COL18A1: variants seen among roughly 807,000 people sequenced by gnomAD.
COL18A1 encodes the protein collagen alpha-1(XVIII) chain.
COL18A1 carries 133 observed loss-of-function variants against 168.0 expected under a neutral mutation model. That is an observed-to-expected ratio of 0.79 (90% CI 0.69 to 0.91). COL18A1 has a LOEUF of 0.91. COL18A1 is among the 40% of genes least tolerant of loss of function. The pLI, the probability that COL18A1 is intolerant of heterozygous loss-of-function variation, is 0.00. For synonymous variants in COL18A1, 949 were observed against 809.0 expected, an observed-to-expected ratio of 1.17 and a Z score of -2.94; for missense variants, 2,126 against 1,925.4, an observed-to-expected ratio of 1.10 and a Z score of -1.95.
chr21:45,497,019 C>T (rs1184879967), intron 30 of COL18A1, 31 bp from the exon 31 acceptor site: 4 of 1,572,946 alleles, frequency 2.5e-6, no homozygotes, highest in Non-Finnish European at 3.5e-6. Flanking sequence ...GAACATCGCC[C>T]TCAGCAGCCG....
rs2146119877 is a variant in COL18A1 at position 45,509,416 on chromosome 21, C to T, written c.3310C>T (p.Pro1104Ser). The T allele has an allele frequency of 6.5e-7, 1 of 1,539,404 alleles. No homozygotes were observed. ...GCAGCTGCACGACAGCAACCCCTAC[C>T]CGCGGCGGGAGCACCCCCACCCCAC... ...VVQLHDSNPY[P>S]RREHPHPTAR... The change falls in exon 39 of 42, where the codon CCG becomes TCG. Residue 1104 changes from proline (P) to serine (S), a missense_variant. Coordinates refer to ENST00000651438, the MANE Select transcript of COL18A1 (RefSeq NM_001379500.1).
At chr21:45,503,859 G>C (rs556084484) in intron 32 of COL18A1, 152 bp from the exon 33 acceptor site, 1 of 627,858 alleles carries the variant, frequency 1.6e-6, no homozygotes, top group African/African-American at 1.8e-5. Flanking sequence ...GAAAGTATCG[G>C]TTAACTAGGA....
chr21:45,477,932 G>T lies in COL18A1; in HGVS notation c.1188G>T (p.Gly396=). 1.9e-6 allele frequency: 3 copies of T among 1,562,230 alleles called. No homozygotes were observed. Among genetic ancestry groups the T allele is most frequent in the South Asian group, 1.2e-5 (1 of 85,430 alleles). ...PGPQGPPGPP[G]RDGTPGRDGE... ...CACAAGGACCCCCAGGGCCTCCGGG[G>T]AGGGACGGCACCCCTGGAAGGGACG... is the stretch of plus-strand genomic sequence containing the variant. The change falls in exon 8 of 42, where the codon GGG becomes GGT. Residue 396 remains glycine (G), a synonymous_variant. Coordinates refer to ENST00000651438, the MANE Select transcript of COL18A1 (RefSeq NM_001379500.1).
In COL18A1 at chr21:45,505,243, C is replaced by CA; in HGVS notation, c.2979dup (p.Gly994ArgfsTer93). 1 of 1,603,184 alleles carries CA rather than the reference C, an allele frequency of 6.2e-7. No homozygotes were observed. Among genetic ancestry groups the CA allele is most frequent in the Non-Finnish European group, 8.5e-7 (1 of 1,173,512 alleles). On this transcript the variant is annotated frameshift_variant, in exon 35 of 42. Coordinates refer to ENST00000651438, the MANE Select transcript of COL18A1 (RefSeq NM_001379500.1). LOFTEE classifies it high-confidence loss of function. ...GGCCCTCCCGGCCCCCCAGGCCCCC[C>CA]AGGGCCCCCTTCATTTCCTGGCCCT...
At position 45,487,134 on chromosome 21, in the gene COL18A1, T is replaced by A. The variant is rs145033898; in HGVS notation, c.1833+142T>A. ...ACTGCCTCATCCTGGGATTCCATAT[T>A]CCGCATGGTGGGGCTCGAGTCTCTC... On this transcript the variant is annotated intron_variant, in intron 16 of 41. Transcript: ENST00000651438. 1.8e-3 allele frequency: 1,651 copies of A among 893,446 alleles called. 25 individuals are homozygous for A. The East Asian group carries it at 0.025, about 14-fold the overall frequency. The allele number at this position is 893,446 out of a possible 1,614,324, so 55.3% of individuals were successfully genotyped here.
rs981270054 is a variant in COL18A1, at chr21:45,443,703, C to T, written c.107-24539C>T. Among the ~76,000 whole-genome samples the T allele has an allele frequency of 2.0e-5, 3 of 152,194 alleles. No homozygotes were observed. Among genetic ancestry groups the T allele is most frequent in the East Asian group, 1.9e-4 (1 of 5,186 alleles). ...GCAGCCGGGTCCCCAGGGAGGCCTC[C>T]GTGAAAACACAAATCAAGTGCCAAT... On this transcript the variant is annotated intron_variant, in intron 2 of 41. Coordinates refer to ENST00000651438, the MANE Select transcript of COL18A1 (RefSeq NM_001379500.1). The surrounding 1 kb of genome is among the most constrained non-coding windows in gnomAD (Gnocchi z 5.2).
At position 45,405,227 on chromosome 21, in the gene COL18A1, G is replaced by C. The variant is rs1439308929; in HGVS notation, c.-4G>C. ...CCCGCGGCGCTGACGGTCCTGGGGA[G>C]AGCATGGCGCCGAGGTGAGGCCGGG... On this transcript the variant is annotated 5_prime_UTR_variant, in exon 1 of 42. Coordinates refer to ENST00000651438, the MANE Select transcript of COL18A1 (RefSeq NM_001379500.1). The C allele has an allele frequency of 1.9e-5, 7 of 366,956 alleles. No individual in the cohort carries two copies. Among genetic ancestry groups the C allele is most frequent in the Non-Finnish European group, 2.4e-5 (5 of 212,022 alleles). 22.7% of individuals were successfully genotyped at this position (366,956 alleles called of 1,614,324 possible).
chr21:45,455,266 A>C (rs1012925778), intron 2 of COL18A1, among the ~76,000 whole-genome samples: 13 of 152,180 alleles, frequency 8.5e-5, no homozygotes, highest in Non-Finnish European at 1.6e-4. Context: ...TGCACACAGC[A>C]CCCTCTGTCC....
chr21:45,500,491 G>A (rs1178205331), intron 32 of COL18A1, among the ~76,000 whole-genome samples: 1 of 58,304 alleles, frequency 1.7e-5, no homozygotes, highest in East Asian at 4.4e-4. Context: ...GGTGTGTTGC[G>A]TGTGTAGTGT....
chr21:45,480,672 G>A (rs1417068573), intron 12 of COL18A1, 28 bp from the exon 13 acceptor site: 1 of 1,610,906 alleles, frequency 6.2e-7, no homozygotes, highest in Non-Finnish European at 8.5e-7. Flanking sequence ...CACATGGGCT[G>A]TGACTATCTG....
Position 45,473,324 on chromosome 21 carries a change from G to A in COL18A1, c.652-571G>A, listed in dbSNP as rs1198833055. ...GCGGTGGGTAGGTGGGTGAGTGAGT[G>A]AGATTGGGTCCGGACGGAATGGGCG... On this transcript the variant is annotated intron_variant, in intron 3 of 41. Coordinates refer to ENST00000651438, the MANE Select transcript of COL18A1 (RefSeq NM_001379500.1). This position sits in a 1 kb window ranked among gnomAD's most constrained non-coding sequence, Gnocchi z 4.0. 6.6e-6 allele frequency among the ~76,000 whole-genome samples: 1 copy of A among 152,248 alleles called. No homozygotes were observed. The highest frequency in any genetic ancestry group is 1.5e-5 in the Non-Finnish European group (1 of 68,048).
chr21:45,472,770 C>T (rs1409090756), intron 3 of COL18A1, among the ~76,000 whole-genome samples: 1 of 151,398 alleles, frequency 6.6e-6, no homozygotes, highest in Non-Finnish European at 1.5e-5. Context: ...TGTGGGAAAC[C>T]TGTGGGAAAC....
At chr21:45,436,438 A>G (rs1440938390) in intron 2 of COL18A1, among the ~76,000 whole-genome samples, 2 of 151,940 alleles carry the variant, frequency 1.3e-5, no homozygotes, top group Non-Finnish European at 2.9e-5. Context: ...GACTTCCTTC[A>G]TTTCTTGTGA....
chr21:45,428,862 A>C (rs1319978276), intron 2 of COL18A1, among the ~76,000 whole-genome samples: 1 of 151,580 alleles, frequency 6.6e-6, no homozygotes, highest in African/African-American at 2.4e-5. Flanking sequence ...TGTGCCTGAA[A>C]TGTCTCTGCA....
At chr21:45,494,319 C>G (rs953896043) in intron 26 of COL18A1, 11 of 628,646 alleles carry the variant, frequency 1.7e-5, no homozygotes, top group Non-Finnish European at 3.1e-5. Flanking sequence ...GGACGCAAAC[C>G]CCAAACCCGA....
rs778696211 is a variant in COL18A1 at position 45,486,948 on chromosome 21, C to A, written c.1789C>A (p.Pro597Thr). The change falls in exon 16 of 42, where the codon CCT (proline) becomes ACT (threonine). Residue 597 changes from proline to threonine, a missense_variant. By Grantham distance (38) the Pro-to-Thr change is conservative. Coordinates refer to ENST00000651438, the MANE Select transcript of COL18A1 (RefSeq NM_001379500.1). ...APGPAGPPGP[P>T]GPPGPPGPGL... is the part of the protein sequence containing the mutation. Reference sequence around the variant, plus strand: ...CGGACCTGCTGGACCACCAGGCCCCCCTGGGCCCCCTGGGCCCCCAGGACC... The same window carrying A: ...CGGACCTGCTGGACCACCAGGCCCCACTGGGCCCCCTGGGCCCCCAGGACC... The A allele has an allele frequency of 1.3e-6, 2 of 1,485,478 alleles. No homozygotes were observed. Among genetic ancestry groups the A allele is most frequent in the South Asian group, 2.6e-5 (2 of 76,154 alleles). The allele number at this position is 1,485,478 out of a possible 1,614,324, so 92.0% of individuals were successfully genotyped here.
intron 40 of COL18A1, among the ~76,000 whole-genome samples, chr21:45,510,563 A>C (rs550399755): frequency 2.6e-5 from 4 of 152,170 alleles, no homozygotes; most frequent in African/African-American, 9.6e-5. Flanking sequence ...TGCTGGACCA[A>C]GTGTCCACAC....
chr21:45,481,612 GA>G (rs888238272), intron 13 of COL18A1, among the ~76,000 whole-genome samples: 18 of 152,230 alleles, frequency 1.2e-4, no homozygotes, highest in African/African-American at 4.3e-4. Flanking sequence ...GTGCTCCCCA[GA>G]ATCCATTCTG....
chr21:45,486,917 A>G lies in COL18A1; in HGVS notation c.1758A>G (p.Gly586=). ...CTCGTGGGGAGAGCGGCCTGGCAGG[A>G]GCCCCCGGACCTGCTGGACCACCAG... ...AGARGESGLA[G]APGPAGPPGP... is the part of the protein sequence containing the mutation. Residue 586 remains glycine, a synonymous_variant, in exon 16 of 42, where the codon GGA becomes GGG. Coordinates refer to ENST00000651438, the MANE Select transcript of COL18A1 (RefSeq NM_001379500.1). 2 of 1,521,964 alleles carry G rather than the reference A, an allele frequency of 1.3e-6. No individual in the cohort carries two copies. Among genetic ancestry groups the G allele is most frequent in the South Asian group, 2.4e-5 (2 of 81,912 alleles). The allele number at this position is 1,521,964 out of a possible 1,614,324, so 94.3% of individuals were successfully genotyped here.
Sources: gnomAD v4.1 joint callset for allele counts (sites outside exome capture counted in the v4.1 genomes callset) on GRCh38, gnomAD v4.1.1 for gene constraint, Gnocchi (gnomAD v3.1) non-coding constraint, MANE v1.5 for transcripts, NCBI Gene and HGNC (gene_info 2026-07-23, HGNC 2026-07-21) for gene names.